TGIF1: variants seen among roughly 807,000 people sequenced by gnomAD.
TGIF1 encodes homeobox protein TGIF1.
TGIF1 carries 4 observed loss-of-function variants against 19.3 expected under a neutral mutation model. The ratio of observed to expected loss-of-function variants is 0.21; its 90% CI spans 0.10 to 0.47. The LOEUF (loss-of-function observed/expected upper bound fraction) is 0.47, where lower values mean the gene tolerates loss of function less well. Among genes scored for constraint, TGIF1 ranks in the 20% least tolerant of loss-of-function variants. The probability of loss-of-function intolerance (pLI) is 0.98; values close to 1 mark genes in which losing one functional copy is unlikely to be tolerated. For missense variants in TGIF1, 275 were observed against 341.4 expected (o/e 0.81, Z 1.53); for synonymous variants, 122 against 129.3 (o/e 0.94, Z 0.38).
intron 2 of TGIF1, among the ~76,000 whole-genome samples, chr18:3,438,606 C>CACAA (rs1345601206): frequency 1.3e-5 from 2 of 151,360 alleles, no homozygotes; most frequent in African/African-American, 4.9e-5. Flanking sequence ...AACACACACA[C>CACAA]ACACACACAC....
chr18:3,441,848 C>T (rs2082680351), intron 2 of TGIF1, among the ~76,000 whole-genome samples: 2 of 152,124 alleles, frequency 1.3e-5, no homozygotes, highest in African/African-American at 2.4e-5. Context: ...TTTATTATTT[C>T]TCCAGCATAA....
chr18:3,456,362 G>A lies in TGIF1; in HGVS notation c.25G>A (p.Ala9Thr). The A allele has an allele frequency of 6.2e-7, 1 of 1,614,158 alleles. No homozygotes were observed. Among genetic ancestry groups the A allele is most frequent in the Non-Finnish European group, 8.5e-7 (1 of 1,180,002 alleles). The change falls in exon 2 of 3, where the codon GCA becomes ACA. Residue 9 changes from alanine to threonine, a missense_variant. Physicochemically the swap from Ala to Thr is moderately conservative, Grantham distance 58. Transcript: ENST00000343820. This position sits in a 1 kb window ranked among gnomAD's most constrained non-coding sequence, Gnocchi z 4.2. ...CCCTTGTCCTTTCCTAGGTATTGTT[G>A]CAGCATCTGGCAGTGAGACTGAGGA... is the stretch of plus-strand genomic sequence containing the variant. Reference protein sequence around the residue: MKGKKGIVAASGSETEDED... With the variant: MKGKKGIVTASGSETEDED...
At chr18:3,425,601 G>A (rs1014845958) in intron 2 of TGIF1, among the ~76,000 whole-genome samples, 1 of 151,820 alleles carries the variant, frequency 6.6e-6, no homozygotes, top group African/African-American at 2.4e-5. Flanking sequence ...CTCCTCTGGT[G>A]GGCCCCACCC....
chr18:3,442,109 T>C (rs1463082466), intron 2 of TGIF1, among the ~76,000 whole-genome samples: 1 of 152,242 alleles, frequency 6.6e-6, no homozygotes, highest in Non-Finnish European at 1.5e-5. Context: ...CTTTCACTAT[T>C]GGATCTTGCT....
chr18:3,451,636 T>G lies in TGIF1; in HGVS notation c.16+1131T>G. On this transcript the variant is annotated intron_variant, in intron 1 of 2. Transcript: ENST00000343820. The surrounding 1 kb of genome is among the most constrained non-coding windows in gnomAD (Gnocchi z 5.4). ...CCCGCTGCGGGGCGTTCCTGGGGGG[T>G]AGCCTCAAGGCCAGCGGGGTTCCTT... is the stretch of plus-strand genomic sequence containing the variant. 1.8e-6 allele frequency: 2 copies of G among 1,111,622 alleles called. No individual in the cohort carries two copies. Among genetic ancestry groups the G allele is most frequent in the Non-Finnish European group, 1.1e-6 (1 of 912,068 alleles). The allele number at this position is 1,111,622 out of a possible 1,614,324, so 68.9% of individuals were successfully genotyped here.
In TGIF1 at chr18:3,452,206, G is replaced by T. The variant is rs138752728; in HGVS notation, c.16+1701G>T. The T allele has an allele frequency of 2.4e-5, 38 of 1,600,032 alleles. No homozygotes were observed. The African/African-American group carries it at 3.9e-4, about 16-fold the overall frequency. On this transcript the variant is annotated intron_variant, in intron 1 of 2. Transcript: ENST00000343820. Reference sequence around the variant, plus strand: ...CTGGCGACCCCCTCTGCGCTCCTGGGGTCCTCCTGCGCCCCCCCTCCTCCA... The same window carrying T: ...CTGGCGACCCCCTCTGCGCTCCTGGTGTCCTCCTGCGCCCCCCCTCCTCCA...
chr18:3,419,157 G>A (rs777822215), intron 2 of TGIF1, among the ~76,000 whole-genome samples: 40 of 152,058 alleles, frequency 2.6e-4, no homozygotes, highest in Non-Finnish European at 5.0e-4. Context: ...TAAATACACT[G>A]GAATTCATAT....
At position 3,432,143 on chromosome 18, in the gene TGIF1, A is replaced by AC. The variant is rs1304313705; in HGVS notation, c.-45+13928_-45+13929insC. ...ACTGTCAAAAAAAAAAAAAAAAAAA[A>AC]ACACTAAGAAAGCTAAGGAAGGCGA... On this transcript the variant is annotated intron_variant, in intron 2 of 3. Transcript: ENST00000401449. Among the ~76,000 whole-genome samples, 1,248 of 130,142 alleles carry AC rather than the reference A, an allele frequency of 9.6e-3. 25 individuals are homozygous for AC. Among genetic ancestry groups the AC allele is most frequent in the African/African-American group, 0.032 (1,195 of 37,478 alleles). The allele number at this position is 130,142 out of a possible 152,430, so 85.4% of individuals were successfully genotyped here. A position where few individuals can be genotyped will look rare whatever the true frequency, so the allele number is the denominator to read the frequency against.
chr18:3,447,602 T>C, upstream of TGIF1: 1 of 973,120 alleles, frequency 1.0e-6, no homozygotes, highest in Non-Finnish European at 1.6e-6. Flanking sequence ...CCAAACAAGT[T>C]TGAGATCAGC....
chr18:3,457,389 C>T lies in TGIF1; in HGVS notation c.268C>T (p.Arg90Cys), dbSNP rs1555650923. 1.2e-6 allele frequency: 2 copies of T among 1,614,176 alleles called. No homozygotes were observed. The highest frequency in any genetic ancestry group is 1.1e-5 in the South Asian group (1 of 91,082). Residue 90 changes from arginine (R) to cysteine (C), a missense_variant, in exon 3 of 3, where the codon CGC becomes TGC. Physicochemically the swap from Arg to Cys is radical, Grantham distance 180. Coordinates refer to ENST00000343820, the MANE Select transcript of TGIF1 (RefSeq NM_003244.4). The surrounding 1 kb of genome is among the most constrained non-coding windows in gnomAD (Gnocchi z 4.9). ...LQVCNWFINA[R>C]RRLLPDMLRK... The stretch of plus-strand genomic sequence containing the variant: ...GGTCTGTAACTGGTTCATCAACGCC[C>T]GCCGCAGGCTCCTCCCTGACATGCT...
In TGIF1 at chr18:3,423,408, A is replaced by G. The variant is rs62082330; in HGVS notation, c.-45+5193A>G. On this transcript the variant is annotated intron_variant, in intron 2 of 3. Coordinates refer to the TGIF1 transcript ENST00000401449. ...AAAAAAAAGTTTTAAGGCTGAGCGC[A>G]GTGGCTCACGCTTGTAATCCCAGCA... Among the ~76,000 whole-genome samples the G allele has an allele frequency of 7.1e-3, 1,075 of 152,178 alleles. 7 individuals carry two copies. Among genetic ancestry groups the G allele is most frequent in the Admixed American group, 0.021 (314 of 15,286 alleles).
At position 3,435,321 on chromosome 18, in the gene TGIF1, C is replaced by T. The variant is rs1335195140; in HGVS notation, c.-45+17106C>T. Among the ~76,000 whole-genome samples, 3 of 152,120 alleles carry T rather than the reference C, an allele frequency of 2.0e-5. No individual in the cohort carries two copies. In the East Asian group the frequency reaches 5.8e-4, roughly 30 times the overall value. ...GATTCTCCTTCCTGCCTCAGCCTCC[C>T]AAGTAGCTGGGACTGCAGGCGCATG... On this transcript the variant is annotated intron_variant, in intron 2 of 3. Transcript: ENST00000401449.
exon 1 of TGIF1, chr18:3,412,171 C>G (rs1444756901): frequency 6.6e-6 from 1 of 152,324 alleles, no homozygotes; most frequent in Admixed American, 6.5e-5. Flanking sequence ...GGTTCCGGCC[C>G]CGCCGCGATC....
At chr18:3,436,871 G>A (rs531667578) in intron 2 of TGIF1, among the ~76,000 whole-genome samples, 12 of 151,830 alleles carry the variant, frequency 7.9e-5, no homozygotes, top group Admixed American at 2.6e-4. Context: ...CTGGGAGGCC[G>A]AGGTGGGTGG....
chr18:3,444,902 T>C (rs1480251624), intron 2 of TGIF1, among the ~76,000 whole-genome samples: 1 of 152,176 alleles, frequency 6.6e-6, no homozygotes, highest in African/African-American at 2.4e-5. Flanking sequence ...AGATTTGTGG[T>C]TCTGAACCAG....
chr18:3,447,972 A>T, upstream of TGIF1: 1 of 910,232 alleles, frequency 1.1e-6, no homozygotes, highest in Non-Finnish European at 1.3e-6. Context: ...CACTTGGACG[A>T]AAGCAAAGCT....
At chr18:3,447,931 T>C, upstream of TGIF1, 16 of 1,453,748 alleles carry the variant, frequency 1.1e-5, no homozygotes, top group South Asian at 1.8e-4. Context: ...CCCATCTCGG[T>C]TGCCTGAGAA....
chr18:3,457,242 T>G lies in TGIF1; in HGVS notation c.244-123T>G. The G allele has an allele frequency of 9.2e-7, 1 of 1,090,036 alleles. No homozygotes were observed. Among genetic ancestry groups the G allele is most frequent in the Non-Finnish European group, 1.4e-6 (1 of 737,212 alleles). The allele number at this position is 1,090,036 out of a possible 1,614,324, so 67.5% of individuals were successfully genotyped here. ...CTTGAAATAACATTGTAAATTCAGA[T>G]AAGGCTTTTCATGCTTTCTTTAATT... On this transcript the variant is annotated intron_variant, in intron 2 of 2. Coordinates refer to ENST00000343820, the MANE Select transcript of TGIF1 (RefSeq NM_003244.4). This position sits in a 1 kb window ranked among gnomAD's most constrained non-coding sequence, Gnocchi z 4.9.
At chr18:3,427,885 C>T (rs1307793835) in intron 2 of TGIF1, among the ~76,000 whole-genome samples, 2 of 152,194 alleles carry the variant, frequency 1.3e-5, no homozygotes, top group African/African-American at 4.8e-5. Context: ...TAGGCGTGAA[C>T]CACCACACCC....
Sources: gnomAD v4.1 joint callset for allele counts (sites outside exome capture counted in the v4.1 genomes callset) on GRCh38, gnomAD v4.1.1 for gene constraint, Gnocchi (gnomAD v3.1) non-coding constraint, MANE v1.5 for transcripts, NCBI Gene and HGNC (gene_info 2026-07-23, HGNC 2026-07-21) for gene names.